BAZ2B: variants seen among roughly 807,000 people sequenced by gnomAD.
BAZ2B encodes bromodomain adjacent to zinc finger domain protein 2B.
A neutral mutation model predicts 246.0 loss-of-function variants in BAZ2B; 91 were observed. That is an observed-to-expected ratio of 0.37 (90% CI 0.31 to 0.44). The LOEUF is 0.44. BAZ2B is among the 20% of genes least tolerant of loss of function. The probability of loss-of-function intolerance (pLI) is 1.00; values close to 1 mark genes in which losing one functional copy is unlikely to be tolerated. For synonymous variants in BAZ2B, 855 were observed against 860.0 expected, an observed-to-expected ratio of 0.99 and a Z score of 0.10; for missense variants, 2,332 against 2,533.7, an observed-to-expected ratio of 0.92 and a Z score of 1.71.
rs142241052 is a variant in BAZ2B at position 159,362,384 on chromosome 2, T to C, written c.4213+10661A>G. Among the ~76,000 whole-genome samples, 905 of 152,288 alleles carry C rather than the reference T, an allele frequency of 5.9e-3. 9 individuals carry two copies. The highest frequency in any genetic ancestry group is 0.021 in the African/African-American group (871 of 41,568). On this transcript the variant is annotated intron_variant, in intron 27 of 36. Coordinates refer to ENST00000392783, the MANE Select transcript of BAZ2B (RefSeq NM_013450.4). ...TGTTTATCATTACTCAGAAATTAAGTGCTTTCTACTCTTTCTCACACTAAT... is the reference window on the plus strand; with the variant it reads ...TGTTTATCATTACTCAGAAATTAAGCGCTTTCTACTCTTTCTCACACTAAT...
At chr2:159,422,266 A>G (rs2068902214) in intron 13 of BAZ2B, among the ~76,000 whole-genome samples, 1 of 152,224 alleles carries the variant, frequency 6.6e-6, no homozygotes, top group Admixed American at 6.5e-5. Flanking sequence ...TATGAAACCT[A>G]AAGAGCCTAA....
At chr2:159,698,040 A>G in the BAZ2B span, among the ~76,000 whole-genome samples, 2 of 152,130 alleles carry the variant, frequency 1.3e-5, no homozygotes, top group Non-Finnish European at 2.9e-5. Context: ...TATAAGAGAG[A>G]TTTTGAAAGT....
At chr2:159,617,644 G>A (rs1039736388), upstream of BAZ2B, among the ~76,000 whole-genome samples, 5 of 152,046 alleles carry the variant, frequency 3.3e-5, no homozygotes, top group African/African-American at 1.2e-4. Context: ...ATACATATGT[G>A]GATAAATGTA....
At chr2:159,691,998 G>A in the BAZ2B span, among the ~76,000 whole-genome samples, 4 of 152,112 alleles carry the variant, frequency 2.6e-5, no homozygotes, top group Admixed American at 2.0e-4. Context: ...TCTCTCCACT[G>A]TGAATGATGC....
chr2:159,439,057 A>G lies in BAZ2B; in HGVS notation c.852T>C (p.Asp284=). ...EEDQSIEESE[D]DDSDSESEAQ... The stretch of plus-strand genomic sequence containing the variant: ...CTTCACTCTCTGAATCAGAATCATC[A>G]TCTTCACTTTCTTCAATACTTTGAT... Residue 284 remains aspartate (D), a synonymous_variant, in exon 7 of 37, where the codon GAT becomes GAC. Transcript: ENST00000392783. 4 of 1,613,858 alleles carry G rather than the reference A, an allele frequency of 2.5e-6. No homozygotes were observed. The highest frequency in any genetic ancestry group is 3.4e-6 in the Non-Finnish European group (4 of 1,179,942).
intron 3 of BAZ2B, among the ~76,000 whole-genome samples, chr2:159,467,988 A>G (rs1336428927): frequency 6.6e-6 from 1 of 152,200 alleles, no homozygotes; most frequent in Admixed American, 6.5e-5. Flanking sequence ...CAAAATGTAA[A>G]GGGGAAATCT....
the BAZ2B span, among the ~76,000 whole-genome samples, chr2:159,696,619 G>A: frequency 1.3e-5 from 2 of 152,110 alleles, no homozygotes; most frequent in African/African-American, 4.8e-5. Context: ...TTCTTCTCCT[G>A]TGCAGTTTTT....
At chr2:159,373,660 A>G (rs1010721393) in intron 26 of BAZ2B, among the ~76,000 whole-genome samples, 9 of 152,104 alleles carry the variant, frequency 5.9e-5, no homozygotes, top group African/African-American at 2.2e-4. Context: ...GTGAGACCCC[A>G]TCTCTACAAA....
rs1231833156 is a variant in BAZ2B, at chr2:159,433,236, G to A, written c.1421C>T (p.Thr474Ile). ...TGGATTTGGGTGGTTGTTTTCTAAT[G>A]TTTGTTTTGGATGTGCTGGTGAACT... ...TSSSPAHPKQTLENNHPNPFL... is the reference protein window; with the variant it reads ...TSSSPAHPKQILENNHPNPFL... Residue 474 changes from threonine to isoleucine, a missense_variant, in exon 9 of 37, where the codon ACA (threonine) becomes ATA (isoleucine). By Grantham distance (89) the Thr-to-Ile change is moderately conservative. Coordinates refer to ENST00000392783, the MANE Select transcript of BAZ2B (RefSeq NM_013450.4). 6.2e-7 allele frequency: 1 copy of A among 1,614,018 alleles called. No individual in the cohort carries two copies.
At chr2:159,344,053 A>G (rs191897767) in intron 31 of BAZ2B, among the ~76,000 whole-genome samples, 2 of 151,314 alleles carry the variant, frequency 1.3e-5, no homozygotes, top group Non-Finnish European at 2.9e-5. Context: ...AAAGAAAAAA[A>G]AAAAAATGAG....
intron 2 of BAZ2B, among the ~76,000 whole-genome samples, chr2:159,513,946 T>C (rs2083184336): frequency 6.6e-6 from 1 of 152,110 alleles, no homozygotes; most frequent in Non-Finnish European, 1.5e-5. Context: ...CAACCATTCA[T>C]TTCCCTGAGC....
chr2:159,708,804 C>T, the BAZ2B span, among the ~76,000 whole-genome samples: 1 of 151,984 alleles, frequency 6.6e-6, no homozygotes, highest in Non-Finnish European at 1.5e-5. Flanking sequence ...CTCAAGCATC[C>T]TCCTGACTCA....
chr2:159,609,947 A>C (rs933893943), intron 1 of BAZ2B, among the ~76,000 whole-genome samples: 2 of 152,190 alleles, frequency 1.3e-5, no homozygotes, highest in Admixed American at 1.3e-4. Flanking sequence ...GCCAAATCCC[A>C]GCACTATTTC....
At chr2:159,396,748 G>T (rs764271133) in intron 19 of BAZ2B, among the ~76,000 whole-genome samples, 6 of 152,012 alleles carry the variant, frequency 3.9e-5, no homozygotes, top group Non-Finnish European at 7.4e-5. Flanking sequence ...TTCAATGGCA[G>T]TTTTGCATCT....
chr2:159,388,611 G>A (rs77422894), intron 21 of BAZ2B, among the ~76,000 whole-genome samples: 174 of 152,226 alleles, frequency 1.1e-3, no homozygotes, highest in African/African-American at 4.1e-3. Context: ...TAAATGGGAA[G>A]AAATACTAAC....
rs184198992 is a variant in BAZ2B at position 159,349,105 on chromosome 2, G to A, written c.5039C>T (p.Ser1680Phe). The change falls in exon 29 of 37, where the codon TCT becomes TTT. Residue 1680 changes from serine (S) to phenylalanine (F), a missense_variant. By Grantham distance (155) the Ser-to-Phe change is radical. This residue lies in a region of BAZ2B where 676 missense variants were observed against 668.6 expected (regional missense o/e 1.01). Transcript: ENST00000392783. Reference sequence around the variant, plus strand: ...GGCCTTTTCATTCTGTGGTACTGGAGATTCACTTTTACTTGAAGCAACATT... The same window carrying A: ...GGCCTTTTCATTCTGTGGTACTGGAAATTCACTTTTACTTGAAGCAACATT... The part of the protein sequence containing the change: ...TSNVASSKSE[S>F]PVPQNEKATS... The A allele has an allele frequency of 8.7e-6, 14 of 1,614,030 alleles. No individual in the cohort carries two copies. The South Asian group carries it at 1.3e-4, about 15-fold the overall frequency.
intron 14 of BAZ2B, among the ~76,000 whole-genome samples, chr2:159,408,645 G>A (rs769392790): frequency 5.9e-5 from 9 of 152,168 alleles, no homozygotes; most frequent in African/African-American, 1.2e-4. Flanking sequence ...AAGGCCGGGC[G>A]CAGCAGCTCA....
intron 27 of BAZ2B, among the ~76,000 whole-genome samples, chr2:159,351,525 A>G (rs1056869120): frequency 1.3e-5 from 2 of 152,098 alleles, no homozygotes; most frequent in African/African-American, 4.8e-5. Context: ...TTTTTGAAAT[A>G]TACTGTCAAA....
At chr2:159,526,141 G>A (rs2084705914) in intron 2 of BAZ2B, among the ~76,000 whole-genome samples, 1 of 152,068 alleles carries the variant, frequency 6.6e-6, no homozygotes, top group South Asian at 2.1e-4. Context: ...ACTAGAGAAA[G>A]AAATGTAAAA....
Sources: allele counts gnomAD v4.1 joint callset (sites outside exome capture counted in the v4.1 genomes callset), GRCh38; gene constraint gnomAD v4.1.1; regional missense constraint gnomAD v4.1.1; transcripts MANE v1.5; gene names NCBI Gene and HGNC (gene_info 2026-07-23, HGNC 2026-07-21).